The following YWHAZ variants were observed in gnomAD, a reference collection of about 807,000 sequenced individuals.
YWHAZ encodes the protein 14-3-3 protein zeta/delta.
For synonymous variants in YWHAZ, 87 were observed against 103.6 expected, an observed-to-expected ratio of 0.84 and a Z score of 0.97; for missense variants, 79 against 284.8, an observed-to-expected ratio of 0.28 and a Z score of 5.20.
At chr8:100,951,903 G>A in intron 1 of YWHAZ, 26 bp downstream of exon 1, 2 of 993,784 alleles carry the variant, frequency 2.0e-6, no homozygotes, top group Non-Finnish European at 2.4e-6. Flanking sequence ...CAGGAAGCGA[G>A]GCGCGGCGGC....
Position 100,924,371 on chromosome 8 carries a change from A to G in YWHAZ, c.419-73T>C, listed in dbSNP as rs999778715. On this transcript the variant is annotated intron_variant, in intron 3 of 5. Transcript: ENST00000395958. The surrounding 1 kb of genome is among the most constrained non-coding windows in gnomAD (Gnocchi z 5.7). ...CTTCACCCCTCAAACCAAACCTTTA[A>G]TATCTCACATATCCTTTGAAATACT... is the stretch of plus-strand genomic sequence containing the variant. 2 of 1,422,230 alleles carry G rather than the reference A, an allele frequency of 1.4e-6. No homozygotes were observed. Among genetic ancestry groups the G allele is most frequent in the Non-Finnish European group, 1.9e-6 (2 of 1,051,106 alleles). 88.1% of individuals were successfully genotyped at this position (1,422,230 alleles called of 1,614,324 possible). A position where few individuals can be genotyped will look rare whatever the true frequency, so the allele number is the denominator to read the frequency against.
chr8:100,951,350 G>A (rs1309094044), intron 1 of YWHAZ: 1 of 984,598 alleles, frequency 1.0e-6, no homozygotes, highest in Non-Finnish European at 1.2e-6. Flanking sequence ...CGCCTCCCGG[G>A]GTGGGGGAGG....
chr8:100,938,748 A>ACTCCC (rs1321758036), intron 2 of YWHAZ, among the ~76,000 whole-genome samples: 1 of 152,036 alleles, frequency 6.6e-6, no homozygotes, highest in African/African-American at 2.4e-5. Flanking sequence ...TTAATCTCTT[A>ACTCCC]CTCCCCCTTG....
At chr8:100,926,529 G>A (rs1327522866) in intron 2 of YWHAZ, among the ~76,000 whole-genome samples, 2 of 152,192 alleles carry the variant, frequency 1.3e-5, no homozygotes, top group African/African-American at 4.8e-5. Flanking sequence ...TGAGGCAGGA[G>A]AACTGCTTGA....
At chr8:100,950,412 T>C (rs1810626044) in intron 1 of YWHAZ, 7 of 985,314 alleles carry the variant, frequency 7.1e-6, no homozygotes, top group Non-Finnish European at 8.4e-6. Context: ...TTACCTGACT[T>C]GAGACGTCGG....
At chr8:100,940,367 GA>G (rs896173781) in intron 2 of YWHAZ, among the ~76,000 whole-genome samples, 3 of 152,022 alleles carry the variant, frequency 2.0e-5, no homozygotes, top group Admixed American at 2.0e-4. Flanking sequence ...CTACATGGGG[GA>G]CTATATTTTA....
intron 2 of YWHAZ, among the ~76,000 whole-genome samples, chr8:100,938,884 G>T (rs556666152): frequency 6.6e-6 from 1 of 152,280 alleles, no homozygotes; most frequent in South Asian, 2.1e-4. Context: ...AAGTCTTTTA[G>T]ACATTTTGAC....
intron 2 of YWHAZ, among the ~76,000 whole-genome samples, chr8:100,934,339 T>TA (rs1227840280): frequency 6.4e-5 from 9 of 140,406 alleles, no homozygotes; most frequent in Middle Eastern, 7.7e-3. Context: ...TTTTTTTTTT[T>TA]AAAAGGAGGG....
At position 100,924,852 on chromosome 8, in the gene YWHAZ, CAG is replaced by C; in HGVS notation, c.418+62_418+63del. On this transcript the variant is annotated intron_variant, in intron 3 of 5. Coordinates refer to ENST00000395958, the MANE Select transcript of YWHAZ (RefSeq NM_145690.3). The surrounding 1 kb of genome is among the most constrained non-coding windows in gnomAD (Gnocchi z 5.7). The stretch of plus-strand genomic sequence containing the variant: ...TCAAAACAAGACATTATGTACGCTT[CAG>C]AGACTCTTCCTCACTATGTTATCTT... 2 of 1,600,002 alleles carry C rather than the reference CAG, an allele frequency of 1.3e-6. No homozygotes were observed. Among genetic ancestry groups the C allele is most frequent in the Non-Finnish European group, 1.7e-6 (2 of 1,172,808 alleles).
chr8:100,946,088 A>T lies in YWHAZ; in HGVS notation c.294+2508T>A, dbSNP rs137983007. On this transcript the variant is annotated intron_variant, in intron 2 of 5. Transcript: ENST00000395958. Reference sequence around the variant, plus strand: ...TTTTGGGAAGCCAGTGCTATTCTGGAGGGTAACGATGTGGGTAGGGACCAG... The same window carrying T: ...TTTTGGGAAGCCAGTGCTATTCTGGTGGGTAACGATGTGGGTAGGGACCAG... Among the ~76,000 whole-genome samples the T allele has an allele frequency of 1.9e-3, 289 of 152,284 alleles. 3 individuals are homozygous for T. The highest frequency in any genetic ancestry group is 6.7e-3 in the African/African-American group (280 of 41,564).
At chr8:100,945,101 C>G in intron 2 of YWHAZ, among the ~76,000 whole-genome samples, 1 of 152,172 alleles carries the variant, frequency 6.6e-6, no homozygotes, top group Non-Finnish European at 1.5e-5. Flanking sequence ...AAGCATCTGG[C>G]AGGAAAGGCA....
intron 2 of YWHAZ, among the ~76,000 whole-genome samples, chr8:100,928,293 T>C (rs576402741): frequency 1.3e-5 from 2 of 149,874 alleles, no homozygotes; most frequent in Non-Finnish European, 3.0e-5. Context: ...AAAAAAGAGT[T>C]GAGAAAGGCA....
intron 2 of YWHAZ, chr8:100,935,058 CAGG>C (rs1190790178): frequency 2.0e-5 from 3 of 151,824 alleles, no homozygotes; most frequent in Admixed American, 6.6e-5. Flanking sequence ...GAGGCTGAGC[CAGG>C]AGAATTGCTT....
Position 100,948,527 on chromosome 8 carries a change from T to G in YWHAZ, c.294+69A>C. 6.7e-7 allele frequency: 1 copy of G among 1,493,196 alleles called. No individual in the cohort carries two copies. The highest frequency in any genetic ancestry group is 9.0e-7 in the Non-Finnish European group (1 of 1,111,910). 92.5% of individuals were successfully genotyped at this position (1,493,196 alleles called of 1,614,324 possible). ...GGAAAAGAAAAACCAAACAAAAAGT[T>G]AAGAGTAATGTAACTGATACTCATA... On this transcript the variant is annotated intron_variant, in intron 2 of 5. Transcript: ENST00000395958. This position sits in a 1 kb window ranked among gnomAD's most constrained non-coding sequence, Gnocchi z 4.2.
At chr8:100,939,128 C>A (rs1814424834) in intron 2 of YWHAZ, among the ~76,000 whole-genome samples, 1 of 152,164 alleles carries the variant, frequency 6.6e-6, no homozygotes. Context: ...TAATATAATT[C>A]CTGTTAAAAG....
intron 1 of YWHAZ, chr8:100,950,588 T>G (rs986819218): frequency 6.1e-6 from 6 of 985,136 alleles, no homozygotes; most frequent in Non-Finnish European, 7.2e-6. Flanking sequence ...CCCAACCTAC[T>G]GCAGAGTGTT....
Position 100,948,467 on chromosome 8 carries a change from A to C in YWHAZ, c.294+129T>G. On this transcript the variant is annotated intron_variant, in intron 2 of 5. Transcript: ENST00000395958. This position sits in a 1 kb window ranked among gnomAD's most constrained non-coding sequence, Gnocchi z 4.2. ...ACATCTTTTTAGTCATGACACCATG[A>C]AGACTTTTAAATTTGGAACACACAA... 1 of 1,049,374 alleles carries C rather than the reference A, an allele frequency of 9.5e-7. No homozygotes were observed. Among genetic ancestry groups the C allele is most frequent in the Non-Finnish European group, 1.4e-6 (1 of 725,124 alleles). 65.0% of individuals were successfully genotyped at this position (1,049,374 alleles called of 1,614,324 possible). A position where few individuals can be genotyped will look rare whatever the true frequency, so the allele number is the denominator to read the frequency against.
At chr8:100,939,674 TA>T (rs1004255017) in intron 2 of YWHAZ, among the ~76,000 whole-genome samples, 1 of 147,502 alleles carries the variant, frequency 6.8e-6, no homozygotes, top group East Asian at 2.0e-4. Flanking sequence ...AAAATAAAAA[TA>T]AAAAAAGGAA....
At chr8:100,936,361 T>C (rs1358245948) in intron 2 of YWHAZ, among the ~76,000 whole-genome samples, 2 of 152,156 alleles carry the variant, frequency 1.3e-5, no homozygotes, top group Non-Finnish European at 2.9e-5. Flanking sequence ...CACCATGGGG[T>C]GTGTTTTCAG....
Sources: gnomAD v4.1 joint callset for allele counts (sites outside exome capture counted in the v4.1 genomes callset) on GRCh38, gnomAD v4.1.1 for gene constraint, Gnocchi (gnomAD v3.1) non-coding constraint, MANE v1.5 for transcripts, NCBI Gene and HGNC (gene_info 2026-07-23, HGNC 2026-07-21) for gene names.